Variants in SPOCK3 observed in about 807,000 individuals in gnomAD.
SPOCK3 encodes the protein testican-3.
In SPOCK3, 30 loss-of-function variants were observed where a neutral mutation model predicts 56.6. The ratio of observed to expected loss-of-function variants is 0.53; its 90% CI spans 0.40 to 0.72. SPOCK3 has a LOEUF of 0.72. Among genes scored for constraint, SPOCK3 ranks in the 30% least tolerant of loss-of-function variants. SPOCK3 has a pLI of 0.00. For missense variants in SPOCK3, 527 were observed against 530.0 expected (o/e 0.99, Z 0.06); for synonymous variants, 196 against 183.3 (o/e 1.07, Z -0.56).
chr4:167,047,082 C>T (rs1233990508), intron 3 of SPOCK3, among the ~76,000 whole-genome samples: 1 of 152,048 alleles, frequency 6.6e-6, no homozygotes, highest in Non-Finnish European at 1.5e-5. Context: ...TTAACTCTCA[C>T]AAAACAAAGA....
chr4:166,888,965 A>C (rs1001133789), intron 6 of SPOCK3, among the ~76,000 whole-genome samples, 165 bp downstream of exon 6: 4 of 152,074 alleles, frequency 2.6e-5, no homozygotes, highest in Admixed American at 6.6e-5. Context: ...ATTTCTTGCT[A>C]TAATAGTTGA....
intron 7 of SPOCK3, among the ~76,000 whole-genome samples, chr4:166,770,013 T>C (rs1738715661): frequency 6.6e-6 from 1 of 152,132 alleles, no homozygotes; most frequent in African/African-American, 2.4e-5. Flanking sequence ...TCTCCTGGTG[T>C]GCCGTTCGCT....
At chr4:167,074,394 A>G (rs1346942099) in intron 2 of SPOCK3, among the ~76,000 whole-genome samples, 1 of 151,834 alleles carries the variant, frequency 6.6e-6, no homozygotes, top group Non-Finnish European at 1.5e-5. Flanking sequence ...ACTCTTCTGA[A>G]GTCTTGACCA....
intron 2 of SPOCK3, among the ~76,000 whole-genome samples, chr4:167,192,612 A>G (rs992502748): frequency 6.9e-6 from 1 of 145,110 alleles, no homozygotes; most frequent in South Asian, 2.1e-4. Flanking sequence ...TGTCTCATTT[A>G]TTTCTGTTAT....
intron 4 of SPOCK3, among the ~76,000 whole-genome samples, chr4:166,983,583 G>A (rs908997120): frequency 7.9e-5 from 12 of 152,208 alleles, no homozygotes; most frequent in African/African-American, 2.9e-4. Context: ...GATGGCTATA[G>A]TTAATAGTTT....
chr4:166,867,934 A>G lies in SPOCK3; in HGVS notation c.589+21196T>C, dbSNP rs1340115105. ...TTTAAATTTAATTACTTTTATATGT[A>G]TATAGTATATGTATATGGTACATCT... is the stretch of plus-strand genomic sequence containing the variant. On this transcript the variant is annotated intron_variant, in intron 6 of 10. Transcript: ENST00000357545. Among the ~76,000 whole-genome samples the G allele has an allele frequency of 2.0e-5, 3 of 151,962 alleles. No individual in the cohort carries two copies. In the East Asian group the frequency reaches 5.8e-4, roughly 29 times the overall value.
intron 6 of SPOCK3, among the ~76,000 whole-genome samples, chr4:166,801,195 T>G (rs1742557649): frequency 6.6e-6 from 1 of 152,156 alleles, no homozygotes; most frequent in African/African-American, 2.4e-5. Context: ...TTATTGATCA[T>G]ACTCATCAAC....
chr4:166,805,111 C>T (rs1010768739), intron 6 of SPOCK3, among the ~76,000 whole-genome samples: 1 of 151,712 alleles, frequency 6.6e-6, no homozygotes, highest in Non-Finnish European at 1.5e-5. Flanking sequence ...GTAATATATG[C>T]CCTTTATATA....
intron 2 of SPOCK3, among the ~76,000 whole-genome samples, chr4:167,092,289 G>A (rs559115991): frequency 1.5e-4 from 23 of 152,264 alleles, no homozygotes; most frequent in African/African-American, 4.6e-4. Flanking sequence ...TAGTCCAAGG[G>A]ATTTCCCCAT....
At chr4:167,205,372 ATATATATAATATATATAT>A (rs1734068695) in intron 2 of SPOCK3, among the ~76,000 whole-genome samples, 2 of 35,128 alleles carry the variant, frequency 5.7e-5, no homozygotes, top group Admixed American at 6.5e-4. Flanking sequence ...TATATATTTT[ATATATATAATATATATAT>A]TTTATATATA....
intron 2 of SPOCK3, among the ~76,000 whole-genome samples, chr4:167,198,963 T>C (rs1733236012): frequency 6.6e-6 from 1 of 152,114 alleles, no homozygotes; most frequent in Non-Finnish European, 1.5e-5. Context: ...ACACCCATCA[T>C]TTTTTATGGA....
chr4:167,222,561 AT>A (rs1312139577), intron 2 of SPOCK3, among the ~76,000 whole-genome samples: 1 of 136,962 alleles, frequency 7.3e-6, no homozygotes, highest in Non-Finnish European at 1.6e-5. Context: ...TATAATATAT[AT>A]ACATGTTATA....
intron 5 of SPOCK3, among the ~76,000 whole-genome samples, chr4:166,907,607 T>G (rs1167955554): frequency 6.6e-6 from 1 of 152,054 alleles, no homozygotes; most frequent in East Asian, 1.9e-4. Flanking sequence ...GGATAGCGAG[T>G]GTTGGAAACA....
At chr4:166,799,342 A>AT (rs528164991) in intron 6 of SPOCK3, among the ~76,000 whole-genome samples, 209 of 152,192 alleles carry the variant, frequency 1.4e-3, no homozygotes, top group African/African-American at 4.6e-3. Context: ...CAAAGTGAGG[A>AT]TTTTTTCTTC....
At chr4:167,036,875 A>G (rs1561145718) in intron 3 of SPOCK3, among the ~76,000 whole-genome samples, 1 of 151,952 alleles carries the variant, frequency 6.6e-6, no homozygotes, top group Non-Finnish European at 1.5e-5. Context: ...ATATTTTGGG[A>G]GATCCATATT....
At chr4:166,823,335 T>A (rs1207719773) in intron 6 of SPOCK3, among the ~76,000 whole-genome samples, 1 of 151,790 alleles carries the variant, frequency 6.6e-6, no homozygotes, top group East Asian at 1.9e-4. Flanking sequence ...AGACACTAGA[T>A]AAAAAAAATT....
intron 3 of SPOCK3, among the ~76,000 whole-genome samples, chr4:167,028,814 A>G (rs910999055): frequency 1.1e-4 from 16 of 152,062 alleles, no homozygotes; most frequent in African/African-American, 3.6e-4. Context: ...AAGTGGTAAC[A>G]TATCACACTT....
intron 6 of SPOCK3, among the ~76,000 whole-genome samples, chr4:166,837,294 A>G (rs1375306102): frequency 6.6e-6 from 1 of 152,136 alleles, no homozygotes; most frequent in African/African-American, 2.4e-5. Context: ...CCCTGTGAAT[A>G]ATTTCAGAAT....
rs150157605 is a variant in SPOCK3 at position 166,817,022 on chromosome 4, G to A, written c.590-24733C>T. Among the ~76,000 whole-genome samples, 13 of 152,126 alleles carry A rather than the reference G, an allele frequency of 8.5e-5. No homozygotes were observed. In the South Asian group the frequency reaches 1.0e-3, roughly 12 times the overall value. On this transcript the variant is annotated intron_variant, in intron 6 of 10. Transcript: ENST00000357545. ...CCTACTTACACAGTAGCCTGACATC[G>A]TTTTATGAATATTGGCAGAAGGCCC...
Sources: gnomAD v4.1 joint callset for allele counts (sites outside exome capture counted in the v4.1 genomes callset) on GRCh38, gnomAD v4.1.1 for gene constraint, MANE v1.5 for transcripts, NCBI Gene and HGNC (gene_info 2026-07-23, HGNC 2026-07-21) for gene names.